The following NIFK variants were observed in gnomAD, a reference collection of about 807,000 sequenced individuals.
The protein encoded by NIFK is nucleolar protein interacting with the FHA domain of MKI67.
NIFK carries 16 observed loss-of-function variants against 31.7 expected under a neutral mutation model. That is an observed-to-expected ratio of 0.50 (90% confidence interval 0.34 to 0.77). The LOEUF (loss-of-function observed/expected upper bound fraction) is 0.77, where lower values mean the gene tolerates loss of function less well. Among genes scored for constraint, NIFK ranks in the 30% least tolerant of loss-of-function variants. NIFK has a pLI of 0.01. For missense variants in NIFK, 341 were observed against 350.4 expected (o/e 0.97, Z 0.21); for synonymous variants, 126 against 123.0 (o/e 1.02, Z -0.16).
At chr2:121,728,127 T>A in intron 6 of NIFK, 161 bp downstream of exon 6, 1 of 688,364 alleles carries the variant, frequency 1.5e-6, no homozygotes, top group Non-Finnish European at 2.4e-6. Context: ...CATGTTCCAT[T>A]ATAAGGTTTT....
chr2:121,733,487 C>A (rs898789149), intron 2 of NIFK, among the ~76,000 whole-genome samples: 2 of 151,502 alleles, frequency 1.3e-5, no homozygotes, highest in African/African-American at 4.9e-5. Flanking sequence ...TGCACTCCAG[C>A]CTGGGCAACA....
intron 2 of NIFK, among the ~76,000 whole-genome samples, chr2:121,734,690 A>C (rs1359792181): frequency 1.3e-5 from 2 of 152,144 alleles, no homozygotes; most frequent in Admixed American, 1.3e-4. Context: ...CTACTTGGGA[A>C]GGTGACGCAA....
At chr2:121,731,399 A>G (rs1341158012) in intron 3 of NIFK, among the ~76,000 whole-genome samples, 20 of 152,124 alleles carry the variant, frequency 1.3e-4, no homozygotes, top group Admixed American at 1.3e-3. Flanking sequence ...TCTGCACCCT[A>G]TGGACTGCAG....
rs191267455 is a variant in NIFK, at chr2:121,732,969, C to A, written c.244-765G>T. On this transcript the variant is annotated intron_variant, in intron 2 of 6. Transcript: ENST00000285814. The stretch of plus-strand genomic sequence containing the variant: ...TGGTGACATGTACCTGTAATCCCAG[C>A]TACTCAGGAGGCTGAGCCAGAAGAA... 2.6e-3 allele frequency among the ~76,000 whole-genome samples: 389 copies of A among 151,918 alleles called. 1 individual carries two copies. Among genetic ancestry groups the A allele is most frequent in the Non-Finnish European group, 4.3e-3 (293 of 67,992 alleles).
chr2:121,732,084 A>T lies in NIFK; in HGVS notation c.352+12T>A, dbSNP rs1460748585. On this transcript the variant is annotated intron_variant, in intron 3 of 6. Transcript: ENST00000285814. ...CACCCAGGCAACCCTGCGGTAAGAC[A>T]GGAGCACTTACACTCCAAGAGTCTT... The T allele has an allele frequency of 7.2e-6, 11 of 1,530,162 alleles. No individual in the cohort carries two copies. The highest frequency in any genetic ancestry group is 1.0e-5 in the Non-Finnish European group (11 of 1,104,196). 94.8% of individuals were successfully genotyped at this position (1,530,162 alleles called of 1,614,324 possible). A position where few individuals can be genotyped will look rare whatever the true frequency, so the allele number is the denominator to read the frequency against.
chr2:121,730,782 T>C (rs768271000), intron 4 of NIFK, 111 bp downstream of exon 4: 17 of 722,674 alleles, frequency 2.4e-5, no homozygotes, highest in Non-Finnish European at 4.2e-5. Flanking sequence ...GATGTGGAAG[T>C]TGCAGTGAGT....
At chr2:121,735,532 T>C in intron 2 of NIFK, 81 bp downstream of exon 2, 1 of 1,399,382 alleles carries the variant, frequency 7.1e-7, no homozygotes, top group Non-Finnish European at 1.0e-6. Context: ...AGCAATAATG[T>C]ATGCGTGAAC....
At position 121,736,868 on chromosome 2, in the gene NIFK, C is replaced by A. The variant is rs372975627; in HGVS notation, c.-18G>T. 5.4e-4 allele frequency: 867 copies of A among 1,603,562 alleles called. 3 individuals are homozygous for A. The highest frequency in any genetic ancestry group is 7.8e-4 in the Admixed American group (47 of 59,902). On this transcript the variant is annotated 5_prime_UTR_variant, in exon 1 of 7. Coordinates refer to ENST00000285814, the MANE Select transcript of NIFK (RefSeq NM_032390.5). ...GTCGCCATGCCAAAAGCCGCCGACGCTAACCACGCGGCGCTCCCGGAAACG... is the reference window on the plus strand; with the variant it reads ...GTCGCCATGCCAAAAGCCGCCGACGATAACCACGCGGCGCTCCCGGAAACG...
chr2:121,734,531 G>A (rs529790332), intron 2 of NIFK, among the ~76,000 whole-genome samples: 4 of 152,106 alleles, frequency 2.6e-5, no homozygotes, highest in South Asian at 4.2e-4. Context: ...ACTGGCTCAC[G>A]CCTGTAATCT....
In NIFK at chr2:121,736,745, C is replaced by A. The variant is rs2074584453; in HGVS notation, c.105+1G>T. 1 of 1,613,350 alleles carries A rather than the reference C, an allele frequency of 6.2e-7. No individual in the cohort carries two copies. Among genetic ancestry groups the A allele is most frequent in the African/African-American group, 1.3e-5 (1 of 74,928 alleles). ...CAGCCTGGGCCAGGGTGCCTGCTCACCTGGGTTATGCGCTTGCGAACCTGC... is the reference window on the plus strand; with the variant it reads ...CAGCCTGGGCCAGGGTGCCTGCTCAACTGGGTTATGCGCTTGCGAACCTGC... On this transcript the variant is annotated splice_donor_variant, in intron 1 of 6. Transcript: ENST00000285814. LOFTEE classifies it high-confidence loss of function.
intron 3 of NIFK, among the ~76,000 whole-genome samples, chr2:121,731,537 G>A (rs539742338): frequency 1.3e-5 from 2 of 152,326 alleles, no homozygotes; most frequent in African/African-American, 2.4e-5. Flanking sequence ...ATTTTGCAAC[G>A]CGATTCCTGA....
chr2:121,735,174 CTTATAT>C (rs1383550532), intron 2 of NIFK, among the ~76,000 whole-genome samples: 1 of 152,176 alleles, frequency 6.6e-6, no homozygotes, highest in Admixed American at 6.5e-5. Flanking sequence ...GGAAGTTTTA[CTTATAT>C]TTAACAGATC....
intron 4 of NIFK, 22 bp downstream of exon 4, chr2:121,730,871 A>G: frequency 6.4e-7 from 1 of 1,571,480 alleles, no homozygotes; most frequent in Non-Finnish European, 8.8e-7. Flanking sequence ...CAAACCACAA[A>G]AAAGATTTCA....
rs529853055 is a variant in NIFK at position 121,731,245 on chromosome 2, G to A, written c.353-141C>T. On this transcript the variant is annotated intron_variant, in intron 3 of 6. Coordinates refer to ENST00000285814, the MANE Select transcript of NIFK (RefSeq NM_032390.5). ...ATCCCAGCTTCTCTCACAGCAATGC[G>A]AAGTGAATAGAGAGACAAGACCTGG... The A allele has an allele frequency of 6.4e-4, 382 of 599,690 alleles. 1 individual carries two copies. Among genetic ancestry groups the A allele is most frequent in the Non-Finnish European group, 9.0e-4 (308 of 340,454 alleles). 37.1% of individuals were successfully genotyped at this position (599,690 alleles called of 1,614,324 possible).
intron 2 of NIFK, among the ~76,000 whole-genome samples, chr2:121,733,560 T>A (rs1404946836): frequency 1.3e-5 from 2 of 149,914 alleles, no homozygotes; most frequent in Non-Finnish European, 3.0e-5. Context: ...GCACCTATAA[T>A]CCCAGCTACT....
chr2:121,735,741 GT>G lies in NIFK; in HGVS notation c.114del (p.Lys38AsnfsTer9), dbSNP rs1300293479. The G allele has an allele frequency of 1.4e-5, 23 of 1,611,746 alleles. No individual in the cohort carries two copies. Among genetic ancestry groups the G allele is most frequent in the Non-Finnish European group, 2.0e-5 (23 of 1,179,426 alleles). ...QVRKRITQRK[K>X]QEQLTPGVVY... ...ACTACTCCAGGAGTAAGTTGTTCTT[GT>G]TTTTTTCGCTAAAGACGTAAAGACC... On this transcript the variant is annotated frameshift_variant, in exon 2 of 7. Transcript: ENST00000285814. LOFTEE classifies it high-confidence loss of function.
chr2:121,734,648 C>A (rs1169090537), intron 2 of NIFK, among the ~76,000 whole-genome samples: 4 of 152,042 alleles, frequency 2.6e-5, no homozygotes, highest in Non-Finnish European at 5.9e-5. Flanking sequence ...AAAAAATTAG[C>A]CAGGCATGGT....
Position 121,734,645 on chromosome 2 carries a change from T to C in NIFK, c.243+968A>G, listed in dbSNP as rs538391764. On this transcript the variant is annotated intron_variant, in intron 2 of 6. Transcript: ENST00000285814. ...GTCTCTAGTAAAACACACAAAAAAT[T>C]AGCCAGGCATGGTGGCAGGCGCCTG... 7.4e-4 allele frequency among the ~76,000 whole-genome samples: 113 copies of C among 152,050 alleles called. 5 individuals are homozygous for C. The South Asian group carries it at 0.023, about 31-fold the overall frequency.
chr2:121,729,129 A>G (rs2074517890), intron 4 of NIFK, among the ~76,000 whole-genome samples: 1 of 152,092 alleles, frequency 6.6e-6, no homozygotes, highest in African/African-American at 2.4e-5. Flanking sequence ...GGGGAGGCCA[A>G]GGTGGGTGGA....
Sources: gnomAD v4.1 joint callset for allele counts (sites outside exome capture counted in the v4.1 genomes callset) on GRCh38, gnomAD v4.1.1 for gene constraint, MANE v1.5 for transcripts, NCBI Gene and HGNC (gene_info 2026-07-23, HGNC 2026-07-21) for gene names.